The following KHDRBS2 variants were observed in gnomAD, a reference collection of about 807,000 sequenced individuals.
The protein encoded by KHDRBS2 is KH RNA binding domain containing, signal transduction associated 2, also known as KH domain-containing, RNA-binding, signal transduction-associated protein 2.
KHDRBS2 carries 26 observed loss-of-function variants against 44.3 expected under a neutral mutation model. The ratio of observed to expected loss-of-function variants is 0.59; its 90% CI spans 0.43 to 0.81. The LOEUF is 0.81. Among genes scored for constraint, KHDRBS2 ranks in the 40% least tolerant of loss-of-function variants. KHDRBS2 has a pLI of 0.00. For missense variants in KHDRBS2, 476 were observed against 433.1 expected (o/e 1.10, Z -0.88); for synonymous variants, 194 against 151.1 (o/e 1.28, Z -2.08).
intron 1 of KHDRBS2, among the ~76,000 whole-genome samples, chr6:62,231,325 A>G (rs939971814): frequency 6.6e-6 from 1 of 152,178 alleles, no homozygotes; most frequent in Non-Finnish European, 1.5e-5. Context: ...GGCGAAGGAG[A>G]AGCAAGGACC....
At chr6:62,081,893 T>C (rs1275284832) in intron 2 of KHDRBS2, among the ~76,000 whole-genome samples, 2 of 152,078 alleles carry the variant, frequency 1.3e-5, no homozygotes, top group Non-Finnish European at 2.9e-5. Flanking sequence ...CCTACTCTTC[T>C]TCCTGTAGCC....
intron 6 of KHDRBS2, among the ~76,000 whole-genome samples, chr6:61,827,497 T>C (rs751859782): frequency 3.9e-5 from 6 of 152,218 alleles, no homozygotes; most frequent in Non-Finnish European, 8.8e-5. Context: ...AGATTCATTA[T>C]AGTCAATAAA....
the KHDRBS2 span, among the ~76,000 whole-genome samples, chr6:61,599,115 T>G: frequency 6.6e-6 from 1 of 151,970 alleles, no homozygotes; most frequent in Non-Finnish European, 1.5e-5. Context: ...TTGTATTTTT[T>G]AGTAGAGACG....
intron 6 of KHDRBS2, among the ~76,000 whole-genome samples, chr6:61,862,896 T>C (rs577845223): frequency 2.0e-5 from 3 of 152,188 alleles, no homozygotes; most frequent in African/African-American, 7.2e-5. Context: ...GTAGGACTGG[T>C]ACCAGCTCTT....
chr6:61,773,566 G>C (rs991921301), intron 6 of KHDRBS2, among the ~76,000 whole-genome samples: 2 of 149,054 alleles, frequency 1.3e-5, no homozygotes, highest in African/African-American at 2.5e-5. Flanking sequence ...AGAGTAGGTT[G>C]CAAAAATTTT....
chr6:62,174,517 A>G (rs1285323718), intron 2 of KHDRBS2, among the ~76,000 whole-genome samples: 1 of 151,800 alleles, frequency 6.6e-6, no homozygotes, highest in Non-Finnish European at 1.5e-5. Flanking sequence ...GAGCATTTTT[A>G]TAATTTTTAT....
intron 6 of KHDRBS2, among the ~76,000 whole-genome samples, chr6:61,859,981 T>C (rs1410969552): frequency 6.6e-6 from 1 of 151,918 alleles, no homozygotes; most frequent in East Asian, 1.9e-4. Flanking sequence ...ATTTGAGACA[T>C]AGAGAAGAGT....
chr6:62,181,013 C>A (rs1822163443), intron 1 of KHDRBS2, among the ~76,000 whole-genome samples: 1 of 117,284 alleles, frequency 8.5e-6, no homozygotes, highest in Non-Finnish European at 1.7e-5. Flanking sequence ...TTGGACTCTT[C>A]TCTTACACTG....
chr6:62,228,671 T>C (rs1378574527), intron 1 of KHDRBS2, among the ~76,000 whole-genome samples: 1 of 152,212 alleles, frequency 6.6e-6, no homozygotes, highest in African/African-American at 2.4e-5. Context: ...GGGCATTTAC[T>C]GCTATAAATT....
At chr6:62,116,396 T>A (rs1806235685) in intron 2 of KHDRBS2, among the ~76,000 whole-genome samples, 1 of 152,152 alleles carries the variant, frequency 6.6e-6, no homozygotes, top group Non-Finnish European at 1.5e-5. Flanking sequence ...TCTGAGTTTG[T>A]TTTAAATTCT....
At chr6:62,031,497 C>T (rs535085739) in intron 3 of KHDRBS2, among the ~76,000 whole-genome samples, 1 of 152,140 alleles carries the variant, frequency 6.6e-6, no homozygotes, top group Non-Finnish European at 1.5e-5. Context: ...TCAACCTTCC[C>T]TGGGCCAGAA....
intron 2 of KHDRBS2, among the ~76,000 whole-genome samples, chr6:62,162,953 T>A (rs1265530430): frequency 2.0e-5 from 3 of 151,936 alleles, no homozygotes. Flanking sequence ...GAATCTGAGA[T>A]ATCTAGATAT....
At chr6:61,606,597 G>T in the KHDRBS2 span, among the ~76,000 whole-genome samples, 67 of 152,104 alleles carry the variant, frequency 4.4e-4, no homozygotes, top group Non-Finnish European at 7.9e-4. Flanking sequence ...TAAGAATGGG[G>T]GCTTAGAGCA....
chr6:61,793,885 G>T (rs1370188631), intron 6 of KHDRBS2, among the ~76,000 whole-genome samples: 1 of 151,946 alleles, frequency 6.6e-6, no homozygotes, highest in Non-Finnish European at 1.5e-5. Context: ...TGTTATCTTT[G>T]AATTAGAGGG....
chr6:61,811,836 T>C (rs995563264), intron 6 of KHDRBS2, among the ~76,000 whole-genome samples: 2 of 152,260 alleles, frequency 1.3e-5, no homozygotes, highest in Admixed American at 6.5e-5. Flanking sequence ...TTGAGACTTA[T>C]AGTCAGCCCA....
At chr6:62,106,594 C>G (rs1207785967) in intron 2 of KHDRBS2, among the ~76,000 whole-genome samples, 2 of 152,092 alleles carry the variant, frequency 1.3e-5, no homozygotes, top group African/African-American at 4.8e-5. Context: ...GGGAATCCTC[C>G]CTAACTCATT....
chr6:62,018,050 GTAC>G (rs1027231328), intron 3 of KHDRBS2, among the ~76,000 whole-genome samples: 1 of 151,182 alleles, frequency 6.6e-6, no homozygotes, highest in African/African-American at 2.4e-5. Flanking sequence ...GTATAAATAA[GTAC>G]TACTAAAATT....
chr6:61,975,125 G>A (rs543903141), intron 4 of KHDRBS2, among the ~76,000 whole-genome samples: 3 of 152,184 alleles, frequency 2.0e-5, no homozygotes, highest in South Asian at 2.1e-4. Context: ...CAGCTCACAA[G>A]GAGTTCTATG....
At chr6:61,916,261 G>A (rs1806976208) in intron 4 of KHDRBS2, among the ~76,000 whole-genome samples, 1 of 151,956 alleles carries the variant, frequency 6.6e-6, no homozygotes, top group South Asian at 2.1e-4. Flanking sequence ...TACAGGCAAA[G>A]CTGTACATGT....
Sources: allele counts gnomAD v4.1 joint callset (sites outside exome capture counted in the v4.1 genomes callset), GRCh38; gene constraint gnomAD v4.1.1; transcripts MANE v1.5; gene names NCBI Gene and HGNC (gene_info 2026-07-23, HGNC 2026-07-21).